DIP2C: variants seen among roughly 807,000 people sequenced by gnomAD.
The protein encoded by DIP2C is disco-interacting protein 2 homolog C.
Under a neutral mutation model 192.4 loss-of-function variants are expected in DIP2C, and 33 were observed. The ratio of observed to expected loss-of-function variants is 0.17; its 90% CI spans 0.13 to 0.23. The LOEUF is 0.23. Ranked by LOEUF, DIP2C falls within the 10% of genes least tolerant of loss-of-function variation. The pLI, the probability that DIP2C is intolerant of heterozygous loss-of-function variation, is 1.00. For synonymous variants in DIP2C, 979 were observed against 864.1 expected, an observed-to-expected ratio of 1.13 and a Z score of -2.33; for missense variants, 1,537 against 2,110.1, an observed-to-expected ratio of 0.73 and a Z score of 5.32.
chr10:383,915 GA>G, intron 16 of DIP2C, 111 bp downstream of exon 16: 1 of 1,338,004 alleles, frequency 7.5e-7, no homozygotes, highest in East Asian at 3.0e-5. Context: ...TGCAAAGAAT[GA>G]AACCTGGGGA....
At chr10:555,920 C>T (rs74722649) in intron 1 of DIP2C, among the ~76,000 whole-genome samples, 1,561 of 152,178 alleles carry the variant, frequency 0.01, 16 homozygotes, top group Non-Finnish European at 0.018. Context: ...CACTGTTGCC[C>T]GGCCCTGCAG....
At chr10:286,584 CAAAATT>C (rs1270804762) in intron 33 of DIP2C, among the ~76,000 whole-genome samples, 1 of 152,094 alleles carries the variant, frequency 6.6e-6, no homozygotes, top group South Asian at 2.1e-4. Flanking sequence ...ATGGTGACCT[CAAAATT>C]AAACATTTTG....
intron 6 of DIP2C, 35 bp from the exon 7 acceptor site, chr10:415,923 T>C: frequency 6.2e-7 from 1 of 1,612,492 alleles, no homozygotes; most frequent in Non-Finnish European, 8.5e-7. Context: ...GGGAAAGCGA[T>C]CATCACAGCT....
intron 10 of DIP2C, among the ~76,000 whole-genome samples, chr10:395,477 C>A (rs1176672934): frequency 6.6e-6 from 1 of 152,184 alleles, no homozygotes; most frequent in Admixed American, 6.5e-5. Flanking sequence ...TGTCTTTAGA[C>A]CTGAGAGGCT....
At chr10:605,440 T>C (rs185783582) in intron 1 of DIP2C, among the ~76,000 whole-genome samples, 1 of 152,188 alleles carries the variant, frequency 6.6e-6, no homozygotes, top group African/African-American at 2.4e-5. Flanking sequence ...ACAGAAAAAC[T>C]ACCATAAGCA....
chr10:599,854 T>TGTGG lies in DIP2C; in HGVS notation c.85+89636_85+89639dup, dbSNP rs567666513. Among the ~76,000 whole-genome samples the TGTGG allele has an allele frequency of 2.2e-3, 329 of 152,322 alleles. 1 individual carries two copies. The highest frequency in any genetic ancestry group is 3.9e-3 in the Non-Finnish European group (267 of 68,024). ...TTTCCTCCATGCACTGAGGATGCAC[T>TGTGG]GTGGGGGACAGTGCTGCCGCCGCCT... On this transcript the variant is annotated intron_variant, in intron 1 of 36. Coordinates refer to ENST00000280886, the MANE Select transcript of DIP2C (RefSeq NM_014974.3).
At chr10:376,301 C>T (rs1488676793) in intron 17 of DIP2C, among the ~76,000 whole-genome samples, 1 of 141,060 alleles carries the variant, frequency 7.1e-6, no homozygotes, top group South Asian at 2.2e-4. Context: ...CGGCCCCCGA[C>T]GGAGCCGGCA....
intron 3 of DIP2C, among the ~76,000 whole-genome samples, chr10:463,589 G>A (rs1223743401): frequency 6.6e-6 from 1 of 152,124 alleles, no homozygotes; most frequent in African/African-American, 2.4e-5. Context: ...TAAATTCAAT[G>A]CTATCCCCAT....
intron 1 of DIP2C, among the ~76,000 whole-genome samples, chr10:597,055 G>A (rs995216300): frequency 1.3e-5 from 2 of 152,220 alleles, no homozygotes; most frequent in African/African-American, 4.8e-5. Context: ...AGACTAAGTG[G>A]AGACCCATCC....
At chr10:594,631 G>C (rs933890289) in intron 1 of DIP2C, among the ~76,000 whole-genome samples, 1 of 151,468 alleles carries the variant, frequency 6.6e-6, no homozygotes, top group Non-Finnish European at 1.5e-5. Context: ...GGGAACTGGA[G>C]GGCACGTGGT....
At chr10:442,645 TCTCCCCG>T (rs926192690) in intron 3 of DIP2C, among the ~76,000 whole-genome samples, 2 of 152,188 alleles carry the variant, frequency 1.3e-5, no homozygotes, top group African/African-American at 2.4e-5. Flanking sequence ...ACACCACTGC[TCTCCCCG>T]CTCCCCCATG....
intron 1 of DIP2C, among the ~76,000 whole-genome samples, chr10:529,249 G>A (rs888385329): frequency 7.2e-5 from 11 of 152,106 alleles, no homozygotes; most frequent in African/African-American, 2.4e-4. Flanking sequence ...TATGGACTGG[G>A]TATTCACGTA....
At chr10:452,636 AGC>A (rs2133337687) in intron 3 of DIP2C, among the ~76,000 whole-genome samples, 1 of 152,328 alleles carries the variant, frequency 6.6e-6, no homozygotes, top group Admixed American at 6.5e-5. Flanking sequence ...CCTAGAGGGA[AGC>A]GAAGCAACCA....
At chr10:410,515 T>C (rs1252700563) in intron 8 of DIP2C, among the ~76,000 whole-genome samples, 2 of 152,326 alleles carry the variant, frequency 1.3e-5, no homozygotes, top group South Asian at 2.1e-4. Flanking sequence ...TCATTAGATA[T>C]AATTCAGGGA....
intron 1 of DIP2C, among the ~76,000 whole-genome samples, chr10:646,440 G>C (rs1293711752): frequency 2.6e-5 from 4 of 152,182 alleles, no homozygotes; most frequent in Non-Finnish European, 5.9e-5. Context: ...CTGCAAAGCT[G>C]CCTGGCAGCA....
intron 1 of DIP2C, among the ~76,000 whole-genome samples, chr10:619,537 G>GCCCGCCCGCCCTCCCGCCCGCCCT (rs1554757178): frequency 1.9e-5 from 1 of 51,330 alleles, no homozygotes; most frequent in Non-Finnish European, 5.4e-5. Context: ...AAGCCCGCCC[G>GCCCGCCCGCCCTCCCGCCCGCCCT]CCCGCCCTCC....
intron 4 of DIP2C, among the ~76,000 whole-genome samples, chr10:426,639 A>C (rs1966615589): frequency 6.6e-6 from 1 of 152,272 alleles, no homozygotes; most frequent in South Asian, 2.1e-4. Context: ...CAGTAGTATT[A>C]GCAGAAGAAT....
At chr10:619,709 G>C (rs1014523709) in intron 1 of DIP2C, among the ~76,000 whole-genome samples, 2 of 152,202 alleles carry the variant, frequency 1.3e-5, no homozygotes, top group African/African-American at 4.8e-5. Context: ...CAAGCAATGA[G>C]TGACCACCTG....
chr10:522,473 C>T (rs2130821491), intron 1 of DIP2C, among the ~76,000 whole-genome samples: 1 of 152,356 alleles, frequency 6.6e-6, no homozygotes, highest in South Asian at 2.1e-4. Flanking sequence ...GTGCTTAGTT[C>T]CATGGGAAAC....
Sources: gnomAD v4.1 joint callset for allele counts (sites outside exome capture counted in the v4.1 genomes callset) on GRCh38, gnomAD v4.1.1 for gene constraint, MANE v1.5 for transcripts, NCBI Gene and HGNC (gene_info 2026-07-23, HGNC 2026-07-21) for gene names.